ROR2: variants seen among roughly 807,000 people sequenced by gnomAD.
The protein encoded by ROR2 is ROR family WNT receptor 2.
ROR2 carries 33 observed loss-of-function variants against 74.9 expected under a neutral mutation model. That is an observed-to-expected ratio of 0.44 (90% confidence interval 0.33 to 0.59). The LOEUF (loss-of-function observed/expected upper bound fraction) is 0.59. Ranked by LOEUF, ROR2 falls within the 20% of genes least tolerant of loss-of-function variation. The pLI is 0.02. For synonymous variants in ROR2, 586 were observed against 558.7 expected (o/e 1.05, Z -0.69); for missense variants, 1,216 against 1,313.8 (o/e 0.93, Z 1.15).
At chr9:91,797,161 T>C (rs1827209299) in intron 1 of ROR2, among the ~76,000 whole-genome samples, 1 of 82,626 alleles carries the variant, frequency 1.2e-5, no homozygotes, top group Non-Finnish European at 2.4e-5. Context: ...AATGACACAC[T>C]GGGCTTTGTG....
At chr9:91,814,965 G>T (rs1827881390) in intron 1 of ROR2, among the ~76,000 whole-genome samples, 1 of 152,222 alleles carries the variant, frequency 6.6e-6, no homozygotes, top group African/African-American at 2.4e-5. Context: ...GACACAGTCG[G>T]TGACAATGCC....
chr9:91,796,631 G>A (rs1297156622), intron 1 of ROR2, among the ~76,000 whole-genome samples: 2 of 152,050 alleles, frequency 1.3e-5, no homozygotes, highest in African/African-American at 4.8e-5. Flanking sequence ...CCTGGGCTCA[G>A]TGGGAGGGGT....
chr9:91,843,950 T>C (rs902336112), intron 1 of ROR2, among the ~76,000 whole-genome samples: 1 of 152,232 alleles, frequency 6.6e-6, no homozygotes, highest in Non-Finnish European at 1.5e-5. Flanking sequence ...ACCTCTGGCC[T>C]CTGAAGGCCA....
chr9:91,859,179 G>T (rs922237133), intron 1 of ROR2, among the ~76,000 whole-genome samples: 1 of 149,926 alleles, frequency 6.7e-6, no homozygotes, highest in African/African-American at 2.5e-5. Flanking sequence ...TGCCAAGAAG[G>T]ACCATCTGAA....
At chr9:91,945,782 G>A (rs768840716) in intron 1 of ROR2, among the ~76,000 whole-genome samples, 2 of 152,086 alleles carry the variant, frequency 1.3e-5, no homozygotes, top group African/African-American at 2.4e-5. Context: ...GCCACTCTAC[G>A]AATATGATTT....
At chr9:91,809,927 G>A (rs544888138) in intron 1 of ROR2, among the ~76,000 whole-genome samples, 4 of 152,358 alleles carry the variant, frequency 2.6e-5, no homozygotes, top group South Asian at 2.1e-4. Context: ...GAATTGAAAC[G>A]AGTGCCTCTC....
intron 2 of ROR2, among the ~76,000 whole-genome samples, chr9:91,757,948 C>G (rs529180091): frequency 4.2e-4 from 64 of 152,308 alleles, no homozygotes; most frequent in Middle Eastern, 6.8e-3. Flanking sequence ...TTCTCTCACA[C>G]ACATTTTTTT....
At chr9:91,911,189 T>C (rs940034283) in intron 1 of ROR2, among the ~76,000 whole-genome samples, 2 of 152,198 alleles carry the variant, frequency 1.3e-5, no homozygotes, top group Non-Finnish European at 2.9e-5. Flanking sequence ...ACAGGCTCTT[T>C]TTGAAAACAA....
At chr9:91,917,207 G>C (rs1297697577) in intron 1 of ROR2, among the ~76,000 whole-genome samples, 1 of 152,160 alleles carries the variant, frequency 6.6e-6, no homozygotes, top group Admixed American at 6.5e-5. Context: ...CAGACTCTCT[G>C]TTCTATTTTT....
intron 1 of ROR2, among the ~76,000 whole-genome samples, chr9:91,875,549 A>G (rs1165040137): frequency 1.3e-5 from 2 of 152,246 alleles, no homozygotes; most frequent in African/African-American, 4.8e-5. Flanking sequence ...CTACAAAATG[A>G]TAAGAATGAA....
chr9:91,728,198 A>G (rs1837109487), intron 7 of ROR2, among the ~76,000 whole-genome samples: 1 of 152,214 alleles, frequency 6.6e-6, no homozygotes, highest in Non-Finnish European at 1.5e-5. Flanking sequence ...GAAAAACTGT[A>G]GTATTACAGA....
intron 1 of ROR2, among the ~76,000 whole-genome samples, chr9:91,871,674 A>G (rs969435844): frequency 1.3e-4 from 20 of 152,294 alleles, no homozygotes; most frequent in African/African-American, 4.6e-4. Flanking sequence ...ATGCAAAGAA[A>G]GTGGCCTTGA....
At chr9:91,948,250 A>G (rs1384606201) in intron 1 of ROR2, among the ~76,000 whole-genome samples, 1 of 152,192 alleles carries the variant, frequency 6.6e-6, no homozygotes, top group Non-Finnish European at 1.5e-5. Flanking sequence ...TGCAAGGCAG[A>G]GTTTTTGTAG....
intron 1 of ROR2, among the ~76,000 whole-genome samples, chr9:91,798,783 T>C (rs4744102): frequency 0.19 from 28,148 of 152,116 alleles, 5,173 homozygotes; most frequent in East Asian, 0.46. Flanking sequence ...GCTCTACTTT[T>C]GTCTACTTTC....
intron 1 of ROR2, among the ~76,000 whole-genome samples, chr9:91,937,651 G>A (rs141983567): frequency 6.6e-6 from 1 of 152,138 alleles, no homozygotes; most frequent in Admixed American, 6.5e-5. Context: ...TCTTCCCCAG[G>A]AGCTTCAAGA....
intron 1 of ROR2, among the ~76,000 whole-genome samples, chr9:91,947,795 T>C (rs1832049432): frequency 6.6e-6 from 1 of 152,232 alleles, no homozygotes; most frequent in South Asian, 2.1e-4. Flanking sequence ...ATAAATTATT[T>C]CGTGGATAAA....
intron 1 of ROR2, among the ~76,000 whole-genome samples, chr9:91,862,989 C>T (rs192376558): frequency 1.9e-4 from 29 of 152,258 alleles, no homozygotes; most frequent in South Asian, 8.3e-4. Flanking sequence ...ATTAGCCATC[C>T]GTGAAATGCC....
chr9:91,742,514 G>A (rs1564245000), intron 4 of ROR2, among the ~76,000 whole-genome samples: 1 of 152,194 alleles, frequency 6.6e-6, no homozygotes, highest in Non-Finnish European at 1.5e-5. Context: ...GCCTAGAACT[G>A]AAACATAAGA....
chr9:91,840,780 C>T (rs547542417), intron 1 of ROR2, among the ~76,000 whole-genome samples: 1 of 152,364 alleles, frequency 6.6e-6, no homozygotes, highest in South Asian at 2.1e-4. Flanking sequence ...CATCCAAATC[C>T]CCTCTGCGTG....
Sources: gnomAD v4.1 joint callset for allele counts (sites outside exome capture counted in the v4.1 genomes callset) on GRCh38, gnomAD v4.1.1 for gene constraint, MANE v1.5 for transcripts, NCBI Gene and HGNC (gene_info 2026-07-23, HGNC 2026-07-21) for gene names.